The following DPF3 variants were observed in gnomAD, a reference collection of about 807,000 sequenced individuals.
The protein encoded by DPF3 is double PHD fingers 3.
Under a neutral mutation model 56.8 loss-of-function variants are expected in DPF3, and 18 were observed. The ratio of observed to expected loss-of-function variants is 0.32; its 90% CI spans 0.22 to 0.47. The LOEUF is 0.47. Ranked by LOEUF, DPF3 falls within the 20% of genes least tolerant of loss-of-function variation. The pLI, the probability that DPF3 is intolerant of heterozygous loss-of-function variation, is 1.00. For synonymous variants in DPF3, 188 were observed against 180.2 expected (o/e 1.04, Z -0.35); for missense variants, 403 against 488.8 (o/e 0.82, Z 1.65).
chr14:72,735,644 T>A (rs972875270), intron 3 of DPF3, among the ~76,000 whole-genome samples: 2 of 152,334 alleles, frequency 1.3e-5, no homozygotes, highest in South Asian at 2.1e-4. Context: ...AGTGGCATCT[T>A]GCTTCCCTAA....
chr14:72,728,881 A>G (rs1285084283), intron 4 of DPF3, among the ~76,000 whole-genome samples: 5 of 152,154 alleles, frequency 3.3e-5, no homozygotes, highest in Non-Finnish European at 7.4e-5. Flanking sequence ...AGAAAAGCAG[A>G]GTGGAATCGG....
At chr14:72,754,784 A>G (rs1890721520) in intron 2 of DPF3, among the ~76,000 whole-genome samples, 1 of 152,176 alleles carries the variant, frequency 6.6e-6, no homozygotes, top group African/African-American at 2.4e-5. Flanking sequence ...CTACCCATTT[A>G]TTGGGATGGG....
intron 1 of DPF3, among the ~76,000 whole-genome samples, chr14:72,778,561 A>G (rs2139958061): frequency 6.6e-6 from 1 of 152,328 alleles, no homozygotes; most frequent in South Asian, 2.1e-4. Flanking sequence ...AAGGTGCACA[A>G]TAAATGTAAT....
intron 1 of DPF3, among the ~76,000 whole-genome samples, chr14:72,868,572 C>G (rs1885772031): frequency 1.3e-5 from 2 of 152,126 alleles, no homozygotes; most frequent in African/African-American, 2.4e-5. Flanking sequence ...ACACAGGTGC[C>G]CCTCCTGTAG....
intron 3 of DPF3, among the ~76,000 whole-genome samples, chr14:72,752,037 G>A (rs200265330): frequency 3.8e-4 from 58 of 152,258 alleles, no homozygotes; most frequent in Non-Finnish European, 7.1e-4. Flanking sequence ...GGATTGAAGC[G>A]AACAATCAAA....
At chr14:72,669,077 A>T (rs998367807) in intron 8 of DPF3, among the ~76,000 whole-genome samples, 8 of 152,354 alleles carry the variant, frequency 5.3e-5, no homozygotes, top group African/African-American at 1.9e-4. Flanking sequence ...CAAAACTGAG[A>T]ATAAATGCCC....
intron 6 of DPF3, among the ~76,000 whole-genome samples, chr14:72,710,344 T>C (rs1199899021): frequency 6.6e-6 from 1 of 152,202 alleles, no homozygotes; most frequent in Non-Finnish European, 1.5e-5. Flanking sequence ...TGTATATCAA[T>C]GTGAAATAAA....
intron 8 of DPF3, among the ~76,000 whole-genome samples, chr14:72,656,217 T>C (rs1886058260): frequency 6.6e-6 from 1 of 152,238 alleles, no homozygotes; most frequent in African/African-American, 2.4e-5. Flanking sequence ...CTTTTTGGAT[T>C]TCCCACAGTC....
At chr14:72,671,586 C>T (rs1268092617) in intron 8 of DPF3, 18 of 653,930 alleles carry the variant, frequency 2.8e-5, no homozygotes, top group East Asian at 1.2e-4. Context: ...CCACAGCTTC[C>T]GACAGCAAAA....
intron 1 of DPF3, among the ~76,000 whole-genome samples, chr14:72,829,720 T>C (rs376782233): frequency 4.0e-4 from 61 of 151,480 alleles, no homozygotes; most frequent in African/African-American, 1.4e-3. Flanking sequence ...ATAAAGTAAT[T>C]CCTAGATGCT....
intron 1 of DPF3, among the ~76,000 whole-genome samples, chr14:72,838,282 T>C (rs553371655): frequency 1.2e-4 from 19 of 152,048 alleles, no homozygotes; most frequent in African/African-American, 3.6e-4. Context: ...TCACTTGAGG[T>C]CAGGAGTTCG....
At chr14:72,872,196 G>A (rs1885927437) in intron 1 of DPF3, among the ~76,000 whole-genome samples, 2 of 151,916 alleles carry the variant, frequency 1.3e-5, no homozygotes, top group South Asian at 2.1e-4. Flanking sequence ...TCCCTAGGCT[G>A]CACACAGCAT....
rs775529351 is a variant in DPF3 at position 72,771,742 on chromosome 14, G to A, written c.184C>T (p.Arg62Ter). The stretch of plus-strand genomic sequence containing the variant: ...GAGTGGCGCAGCTCACCTGGGCCTC[G>A]GTGCCTCTTCTCCATCCAGATGTAG... ...NCYIWMEKRHRGPGLAPGQLY... is the reference protein window; with the variant it reads ...NCYIWMEKRH The change falls in exon 2 of 11, where the codon CGA becomes TGA. Residue 62 changes from arginine to a stop codon, truncating the protein, a stop_gained. Coordinates refer to ENST00000556509, the MANE Select transcript of DPF3 (RefSeq NM_001280542.3). LOFTEE classifies it high-confidence loss of function. 5 of 1,612,130 alleles carry A rather than the reference G, an allele frequency of 3.1e-6. No individual in the cohort carries two copies. Among genetic ancestry groups the A allele is most frequent in the East Asian group, 2.2e-5 (1 of 44,734 alleles).
chr14:72,670,104 T>TAA, intron 8 of DPF3: 1 of 982,800 alleles, frequency 1.0e-6, no homozygotes, highest in Non-Finnish European at 1.2e-6. Flanking sequence ...GCAGGCACTA[T>TAA]AAAAAAAAAT....
chr14:72,756,869 A>G (rs8019646), intron 2 of DPF3, among the ~76,000 whole-genome samples: 11,145 of 94,850 alleles, frequency 0.12, 789 homozygotes, highest in African/African-American at 0.16. Context: ...AGAAAGAAAG[A>G]AAGGAAGGAA....
intron 3 of DPF3, among the ~76,000 whole-genome samples, chr14:72,738,161 G>A (rs991631143): frequency 6.6e-6 from 1 of 152,118 alleles, no homozygotes; most frequent in South Asian, 2.1e-4. Context: ...GGGGATCAGA[G>A]ACCTGATTTC....
chr14:72,812,632 C>A (rs572321864), intron 1 of DPF3, among the ~76,000 whole-genome samples: 45 of 152,026 alleles, frequency 3.0e-4, no homozygotes, highest in Non-Finnish European at 5.4e-4. Flanking sequence ...ACGCTGGGCC[C>A]GGTGGGCAGG....
chr14:72,684,073 ATC>A (rs1887293906), intron 7 of DPF3, among the ~76,000 whole-genome samples: 1 of 152,050 alleles, frequency 6.6e-6, no homozygotes, highest in Non-Finnish European at 1.5e-5. Flanking sequence ...TAGAAACAAG[ATC>A]TCTCTCTGTC....
chr14:72,754,254 G>T (rs973835392), intron 2 of DPF3, among the ~76,000 whole-genome samples: 1 of 152,266 alleles, frequency 6.6e-6, no homozygotes, highest in South Asian at 2.1e-4. Flanking sequence ...GGGGTGAGGA[G>T]GCAGGTATTT....
Sources: allele counts gnomAD v4.1 joint callset (sites outside exome capture counted in the v4.1 genomes callset), GRCh38; gene constraint gnomAD v4.1.1; transcripts MANE v1.5; gene names NCBI Gene and HGNC (gene_info 2026-07-23, HGNC 2026-07-21).